Variants in MTAP observed in about 807,000 individuals in gnomAD.
MTAP encodes the protein methylthioadenosine phosphorylase, also known as S-methyl-5'-thioadenosine phosphorylase.
Under a neutral mutation model 33.6 loss-of-function variants are expected in MTAP, and 33 were observed. The ratio of observed to expected loss-of-function variants is 0.98; its 90% CI spans 0.74 to 1.31. The LOEUF (loss-of-function observed/expected upper bound fraction) is 1.31. Ranked by LOEUF, MTAP falls within the 40% of genes most tolerant of loss-of-function variation. The probability of loss-of-function intolerance (pLI) is 0.00; values close to 1 mark genes in which losing one functional copy is unlikely to be tolerated. For missense variants in MTAP, 367 were observed against 360.0 expected (o/e 1.02, Z -0.16); for synonymous variants, 148 against 125.7 (o/e 1.18, Z -1.19).
intron 4 of MTAP, among the ~76,000 whole-genome samples, chr9:21,836,202 A>G (rs1365074206): frequency 6.6e-6 from 1 of 152,154 alleles, no homozygotes; most frequent in Admixed American, 6.5e-5. Flanking sequence ...AAAATGAAGA[A>G]TCAAAAAGAT....
chr9:21,840,099 A>G (rs773725538), intron 5 of MTAP, among the ~76,000 whole-genome samples: 11 of 151,970 alleles, frequency 7.2e-5, no homozygotes, highest in Non-Finnish European at 1.3e-4. Flanking sequence ...GGTGGCAGGC[A>G]CCTATAGTCC....
At chr9:21,856,006 C>T (rs933586552) in intron 6 of MTAP, 21 of 205,452 alleles carry the variant, frequency 1.0e-4, no homozygotes, top group African/African-American at 4.7e-4. Context: ...TTGATCAAAT[C>T]AGAATCCCTT....
chr9:21,922,038 A>C lies in MTAP; in HGVS notation c.148-8970A>C, dbSNP rs1183632020. On this transcript the variant is annotated intron_variant, in intron 1 of 1. Coordinates refer to the MTAP transcript ENST00000577563. This position sits in a 1 kb window ranked among gnomAD's most constrained non-coding sequence, Gnocchi z 4.8. ...ATTGGTTGCAGTCAGTGCCAGAGAA[A>C]GGCAGTCTCCCAATATATGGAAAAC... 1.3e-5 allele frequency among the ~76,000 whole-genome samples: 2 copies of C among 152,100 alleles called. No homozygotes were observed. Among genetic ancestry groups the C allele is most frequent in the African/African-American group, 4.8e-5 (2 of 41,426 alleles).
intron 1 of MTAP, among the ~76,000 whole-genome samples, chr9:21,900,444 T>C (rs1435039392): frequency 2.6e-5 from 4 of 152,010 alleles, no homozygotes; most frequent in Non-Finnish European, 5.9e-5. Context: ...ATTAAACAAA[T>C]ACAAATCAAA....
rs1408629186 is a variant in MTAP at position 21,852,582 on chromosome 9, A to T, written c.451-2049A>T. ...AAGTGGGAGAGGAGAATCAGGGATAAAAGACTACACATTGGGTATAGTGTA... is the reference window on the plus strand; with the variant it reads ...AAGTGGGAGAGGAGAATCAGGGATATAAGACTACACATTGGGTATAGTGTA... On this transcript the variant is annotated intron_variant, in intron 5 of 7. Transcript: ENST00000644715. Among the ~76,000 whole-genome samples the T allele has an allele frequency of 2.0e-5, 3 of 152,000 alleles. No individual in the cohort carries two copies. In the East Asian group the frequency reaches 5.8e-4, roughly 29 times the overall value.
downstream of MTAP, among the ~76,000 whole-genome samples, chr9:21,867,617 C>T (rs1191120610): frequency 6.6e-6 from 1 of 151,808 alleles, no homozygotes; most frequent in Non-Finnish European, 1.5e-5. Flanking sequence ...TGTGATTTTC[C>T]TTTCTTGTAA....
intron 1 of MTAP, 60 bp downstream of exon 1, chr9:21,802,841 G>A: frequency 6.2e-7 from 1 of 1,602,074 alleles, no homozygotes; most frequent in Non-Finnish European, 8.5e-7. Context: ...TCGCCCCCGC[G>A]CCGGGGGACC....
intron 1 of MTAP, chr9:21,892,319 AC>A (rs1237240739): frequency 6.6e-6 from 1 of 152,192 alleles, no homozygotes; most frequent in African/African-American, 2.4e-5. Flanking sequence ...TAAAAGGCAC[AC>A]AGTGGCAATT....
At chr9:21,893,800 G>A (rs1818237899) in intron 1 of MTAP, 1 of 151,440 alleles carries the variant, frequency 6.6e-6, no homozygotes, top group African/African-American at 2.4e-5. Context: ...TGGATTCACA[G>A]CTGAATTCTA....
At chr9:21,803,039 A>ACACACACACACACACACACC (rs1554640712) in intron 1 of MTAP, 3 of 472,330 alleles carry the variant, frequency 6.4e-6, no homozygotes, top group African/African-American at 5.0e-5. Context: ...CACACACACC[A>ACACACACACACACACACACC]CCTTTTGGCT....
intron 5 of MTAP, among the ~76,000 whole-genome samples, chr9:21,844,026 A>G (rs751855925): frequency 1.3e-5 from 2 of 152,218 alleles, no homozygotes; most frequent in Non-Finnish European, 2.9e-5. Context: ...AAATAAGCTC[A>G]ATGAGAAATG....
At chr9:21,837,767 T>G in intron 4 of MTAP, 141 bp from the exon 5 acceptor site, 1 of 676,194 alleles carries the variant, frequency 1.5e-6, no homozygotes, top group South Asian at 1.9e-5. Context: ...TAAACAATTG[T>G]CTTTAGCTTA....
intron 1 of MTAP, among the ~76,000 whole-genome samples, chr9:21,872,606 C>T (rs1182125147): frequency 1.3e-5 from 2 of 152,094 alleles, no homozygotes; most frequent in Non-Finnish European, 2.9e-5. Flanking sequence ...TAAATAAGAT[C>T]AAAGCTTATT....
chr9:21,880,882 A>AT (rs1054714079), intron 1 of MTAP, among the ~76,000 whole-genome samples: 154 of 151,794 alleles, frequency 1.0e-3, no homozygotes, highest in African/African-American at 3.6e-3. Flanking sequence ...TCTCAATGGC[A>AT]TTTTTTTTGC....
chr9:21,813,189 C>A (rs1824394783), intron 1 of MTAP, among the ~76,000 whole-genome samples: 2 of 152,238 alleles, frequency 1.3e-5, no homozygotes, highest in African/African-American at 4.8e-5. Flanking sequence ...CACATCTTGG[C>A]CCTGCTGGCC....
intron 1 of MTAP, among the ~76,000 whole-genome samples, chr9:21,887,592 A>G (rs1019768635): frequency 6.6e-6 from 1 of 152,204 alleles, no homozygotes; most frequent in African/African-American, 2.4e-5. Context: ...GTGTCTTTAT[A>G]GCAGCATGAT....
intron 1 of MTAP, among the ~76,000 whole-genome samples, chr9:21,923,641 G>A (rs1477027078): frequency 6.6e-6 from 1 of 152,074 alleles, no homozygotes; most frequent in Non-Finnish European, 1.5e-5. Context: ...GGAGGACAGG[G>A]AACCTCTAAT....
At chr9:21,894,850 A>G (rs1818263794) in intron 1 of MTAP, among the ~76,000 whole-genome samples, 1 of 152,084 alleles carries the variant, frequency 6.6e-6, no homozygotes, top group Admixed American at 6.5e-5. Context: ...TACAAAATCA[A>G]TGTATAAAAC....
chr9:21,843,855 A>G (rs1825312977), intron 5 of MTAP, among the ~76,000 whole-genome samples: 1 of 152,220 alleles, frequency 6.6e-6, no homozygotes, highest in Non-Finnish European at 1.5e-5. Flanking sequence ...AAACAAGAAC[A>G]AAGCAAACCC....
Sources: gnomAD v4.1 joint callset for allele counts (sites outside exome capture counted in the v4.1 genomes callset) on GRCh38, gnomAD v4.1.1 for gene constraint, Gnocchi (gnomAD v3.1) non-coding constraint, MANE v1.5 for transcripts, NCBI Gene and HGNC (gene_info 2026-07-23, HGNC 2026-07-21) for gene names.